The following KASH5 variants were observed in gnomAD, a reference collection of about 807,000 sequenced individuals.
KASH5 encodes protein KASH5.
Under a neutral mutation model 84.2 loss-of-function variants are expected in KASH5, and 72 were observed. That is an observed-to-expected ratio of 0.85 (90% CI 0.71 to 1.04). The LOEUF is 1.04. Among genes scored for constraint, KASH5 ranks in the 50% least tolerant of loss-of-function variants. The pLI is 0.00. For synonymous variants in KASH5, 260 were observed against 279.1 expected (o/e 0.93, Z 0.68); for missense variants, 650 against 701.0 (o/e 0.93, Z 0.82).
In KASH5 at chr19:49,416,611, C is replaced by T. The variant is rs1425956678; in HGVS notation, c.1375-404C>T. On this transcript the variant is annotated intron_variant, in intron 17 of 19. Transcript: ENST00000447857. The surrounding 1 kb of genome is among the most constrained non-coding windows in gnomAD (Gnocchi z 5.4). ...CTGTAGAAGATGTGGTCTCTGCCCTCAGAGAGCTTAGATACTTCCAGAATC... is the reference window on the plus strand; with the variant it reads ...CTGTAGAAGATGTGGTCTCTGCCCTTAGAGAGCTTAGATACTTCCAGAATC... 2.0e-5 allele frequency among the ~76,000 whole-genome samples: 3 copies of T among 152,318 alleles called. No homozygotes were observed. The highest frequency in any genetic ancestry group is 7.2e-5 in the African/African-American group (3 of 41,570).
rs943472622 is a variant in KASH5, at chr19:49,414,891, G to A, written c.1329-60G>A. 1.9e-6 allele frequency: 3 copies of A among 1,579,574 alleles called. No individual in the cohort carries two copies. The highest frequency in any genetic ancestry group is 2.6e-6 in the Non-Finnish European group (3 of 1,161,372). On this transcript the variant is annotated intron_variant, in intron 16 of 19. Transcript: ENST00000447857. The surrounding 1 kb of genome is among the most constrained non-coding windows in gnomAD (Gnocchi z 4.5). ...TCCAAGGCTTCTCTCCCAGCCCATA[G>A]TAGGCAAAGGGAACCAGGGAGAAGA...
chr19:49,409,818 C>T lies in KASH5; in HGVS notation c.1212C>T (p.Val404=). ...PLCGVWQWEE[V]IHETSEETEF... is the part of the protein sequence containing the mutation. Reference sequence around the variant, plus strand: ...GTGGGGTGTGGCAGTGGGAGGAAGTCATCCATGAGACCAGTGAGGAAACTG... The same window carrying T: ...GTGGGGTGTGGCAGTGGGAGGAAGTTATCCATGAGACCAGTGAGGAAACTG... The change falls in exon 15 of 20, where the codon GTC becomes GTT. Residue 404 remains valine, a synonymous_variant. Coordinates refer to ENST00000447857, the MANE Select transcript of KASH5 (RefSeq NM_144688.5). The T allele has an allele frequency of 6.2e-7, 1 of 1,613,946 alleles. No homozygotes were observed. The highest frequency in any genetic ancestry group is 8.5e-7 in the Non-Finnish European group (1 of 1,179,862).
Position 49,414,919 on chromosome 19 carries a change from A to G in KASH5, c.1329-32A>G. The G allele has an allele frequency of 6.2e-7, 1 of 1,605,450 alleles. No homozygotes were observed. The highest frequency in any genetic ancestry group is 8.5e-7 in the Non-Finnish European group (1 of 1,176,272). ...GGCAAAGGGAACCAGGGAGAAGAGGACGAAGCCAGCAGTGACTTTGTTGGC... is the reference window on the plus strand; with the variant it reads ...GGCAAAGGGAACCAGGGAGAAGAGGGCGAAGCCAGCAGTGACTTTGTTGGC... On this transcript the variant is annotated intron_variant, in intron 16 of 19. Coordinates refer to ENST00000447857, the MANE Select transcript of KASH5 (RefSeq NM_144688.5). This position sits in a 1 kb window ranked among gnomAD's most constrained non-coding sequence, Gnocchi z 4.5.
rs1339961343 is a variant in KASH5, at chr19:49,400,354, TTTTTTTTTTTTTTC to T, written c.798+861_798+874del. On this transcript the variant is annotated intron_variant, in intron 9 of 19. Coordinates refer to ENST00000447857, the MANE Select transcript of KASH5 (RefSeq NM_144688.5). ...TTCTCAAGCCTTTACTTTTAGTTTC[TTTTTTTTTTTTTTC>T]TTTTTTTTTTTTTTGAGACAGAGTT... is the stretch of plus-strand genomic sequence containing the variant. 1.0e-4 allele frequency among the ~76,000 whole-genome samples: 8 copies of T among 79,090 alleles called. No homozygotes were observed. The East Asian group carries it at 2.6e-3, about 25-fold the overall frequency. The allele number at this position is 79,090 out of a possible 152,430, so 51.9% of individuals were successfully genotyped here.
chr19:49,395,714 G>A lies in KASH5; in HGVS notation c.336-55G>A. The stretch of plus-strand genomic sequence containing the variant: ...CCTGCAATCCCCCTGCCTGTGGCTG[G>A]TGAGGACTGAGGGGCAGCTACAGTG... On this transcript the variant is annotated intron_variant, in intron 4 of 19. Transcript: ENST00000447857. This position sits in a 1 kb window ranked among gnomAD's most constrained non-coding sequence, Gnocchi z 4.4. 6.6e-7 allele frequency: 1 copy of A among 1,519,554 alleles called. No individual in the cohort carries two copies. The highest frequency in any genetic ancestry group is 1.2e-5 in the South Asian group (1 of 83,190). 94.1% of individuals were successfully genotyped at this position (1,519,554 alleles called of 1,614,324 possible). A position where few individuals can be genotyped will look rare whatever the true frequency, so the allele number is the denominator to read the frequency against.
At position 49,417,174 on chromosome 19, in the gene KASH5, A is replaced by C. The variant is rs1199014843; in HGVS notation, c.1455A>C (p.Glu485Asp). ...ENPPERPARR[E>D]LQQALVPVMK... is the part of the protein sequence containing the mutation. ...ACCCCAGCAGACCTGCGCGGCGGGA[A>C]CTCCAGCAAGCCCTGGTGCCTGTGA... The change falls in exon 19 of 20, where the codon GAA (glutamate) becomes GAC (aspartate). Residue 485 changes from glutamate to aspartate, a missense_variant. Glu to Asp is a conservative substitution (Grantham distance 45). Transcript: ENST00000447857. The surrounding 1 kb of genome is among the most constrained non-coding windows in gnomAD (Gnocchi z 5.2). 1 of 1,613,708 alleles carries C rather than the reference A, an allele frequency of 6.2e-7. No individual in the cohort carries two copies. The highest frequency in any genetic ancestry group is 8.5e-7 in the Non-Finnish European group (1 of 1,179,778).
At chr19:49,402,822 T>C (rs1374975993) in intron 9 of KASH5, among the ~76,000 whole-genome samples, 1 of 152,202 alleles carries the variant, frequency 6.6e-6, no homozygotes, top group Non-Finnish European at 1.5e-5. Context: ...ATATGGCCAC[T>C]AATGGGTCCA....
chr19:49,395,092 A>G lies in KASH5; in HGVS notation c.149-14A>G. 3 of 1,593,570 alleles carry G rather than the reference A, an allele frequency of 1.9e-6. No individual in the cohort carries two copies. Among genetic ancestry groups the G allele is most frequent in the Non-Finnish European group, 1.7e-6 (2 of 1,173,622 alleles). ...CACCTGCCCCAGACCCCCTCACTGC[A>G]TGCTCTGTCACAGGCACTGTGGCTG... On this transcript the variant is annotated splice_polypyrimidine_tract_variant and intron_variant, in intron 3 of 19. Transcript: ENST00000447857. This position sits in a 1 kb window ranked among gnomAD's most constrained non-coding sequence, Gnocchi z 4.4.
rs1974573571 is a variant in KASH5, at chr19:49,407,663, A to G, written c.985A>G (p.Thr329Ala). 1.9e-6 allele frequency: 3 copies of G among 1,604,350 alleles called. No individual in the cohort carries two copies. Among genetic ancestry groups the G allele is most frequent in the Non-Finnish European group, 1.7e-6 (2 of 1,175,496 alleles). Reference protein sequence around the residue: ...LAQTLEEYRVTTQELRLEISR... With the variant: ...LAQTLEEYRVATQELRLEISR... ...CCAGACCCTGGAAGAATACAGAGTG[A>G]CGACGCAGGTAACTCAGCGGCCCTC... is the stretch of plus-strand genomic sequence containing the variant. Residue 329 changes from threonine (T) to alanine (A), a missense_variant, in exon 12 of 20, where the codon ACG becomes GCG. Thr to Ala is a moderately conservative substitution (Grantham distance 58). Coordinates refer to ENST00000447857, the MANE Select transcript of KASH5 (RefSeq NM_144688.5).
At position 49,408,991 on chromosome 19, in the gene KASH5, C is replaced by G; in HGVS notation, c.1018C>G (p.Leu340Val). Residue 340 changes from leucine to valine, a missense_variant, in exon 13 of 20, where the codon CTG becomes GTG. Coordinates refer to ENST00000447857, the MANE Select transcript of KASH5 (RefSeq NM_144688.5). ...GGAACTGAGGCTGGAGATTTCACGCCTGGAGGAGCAGCTGAGTCAGACCTA... is the reference window on the plus strand; with the variant it reads ...GGAACTGAGGCTGGAGATTTCACGCGTGGAGGAGCAGCTGAGTCAGACCTA... ...TQELRLEISR[L>V]EEQLSQTYEG... is the part of the protein sequence containing the mutation. The G allele has an allele frequency of 6.3e-7, 1 of 1,591,312 alleles. No individual in the cohort carries two copies. The highest frequency in any genetic ancestry group is 8.6e-7 in the Non-Finnish European group (1 of 1,169,000).
At position 49,395,724 on chromosome 19, in the gene KASH5, AG is replaced by A; in HGVS notation, c.336-41del. On this transcript the variant is annotated intron_variant, in intron 4 of 19. Coordinates refer to ENST00000447857, the MANE Select transcript of KASH5 (RefSeq NM_144688.5). The surrounding 1 kb of genome is among the most constrained non-coding windows in gnomAD (Gnocchi z 4.4). Reference sequence around the variant, plus strand: ...CCCTGCCTGTGGCTGGTGAGGACTGAGGGGCAGCTACAGTGGGGCGCTAAGC... The same window carrying A: ...CCCTGCCTGTGGCTGGTGAGGACTGAGGGCAGCTACAGTGGGGCGCTAAGC... 6.5e-7 allele frequency: 1 copy of A among 1,536,232 alleles called. No individual in the cohort carries two copies. The highest frequency in any genetic ancestry group is 8.8e-7 in the Non-Finnish European group (1 of 1,135,134).
chr19:49,417,941 G>A lies in KASH5; in HGVS notation c.*431G>A, dbSNP rs1422439385. 1 of 162,606 alleles carries A rather than the reference G, an allele frequency of 6.1e-6. No individual in the cohort carries two copies. The highest frequency in any genetic ancestry group is 1.3e-5 in the Non-Finnish European group (1 of 75,492). The allele number at this position is 162,606 out of a possible 1,614,324, so 10.1% of individuals were successfully genotyped here. On this transcript the variant is annotated 3_prime_UTR_variant, in exon 20 of 20. Transcript: ENST00000447857. The surrounding 1 kb of genome is among the most constrained non-coding windows in gnomAD (Gnocchi z 5.2). ...AGGCAGTAGCCTCAGTGTGCAGTGG[G>A]TAGATTCAAATCATATTCATAATAA...
At position 49,412,482 on chromosome 19, in the gene KASH5, T is replaced by A. The variant is rs1974752123; in HGVS notation, c.1270-486T>A. Among the ~76,000 whole-genome samples, 1 of 152,078 alleles carries A rather than the reference T, an allele frequency of 6.6e-6. No homozygotes were observed. The highest frequency in any genetic ancestry group is 2.1e-4 in the South Asian group (1 of 4,826). The stretch of plus-strand genomic sequence containing the variant: ...CTCGAGGATTGCGTTTAGAAAACAA[T>A]GGCAAGTTGGTTGCTGAGGTCAAGG... On this transcript the variant is annotated intron_variant, in intron 15 of 19. Coordinates refer to ENST00000447857, the MANE Select transcript of KASH5 (RefSeq NM_144688.5). This position sits in a 1 kb window ranked among gnomAD's most constrained non-coding sequence, Gnocchi z 4.6.
rs1192381614 is a variant in KASH5, at chr19:49,414,072, T to C, written c.1329-879T>C. On this transcript the variant is annotated intron_variant, in intron 16 of 19. Coordinates refer to ENST00000447857, the MANE Select transcript of KASH5 (RefSeq NM_144688.5). The surrounding 1 kb of genome is among the most constrained non-coding windows in gnomAD (Gnocchi z 4.5). ...CATTCAGGCTGGGCAGCTTGAGGCCTGAGTCCCCAAAGCAGCATTTCAGGG... is the reference window on the plus strand; with the variant it reads ...CATTCAGGCTGGGCAGCTTGAGGCCCGAGTCCCCAAAGCAGCATTTCAGGG... Among the ~76,000 whole-genome samples, 1 of 151,962 alleles carries C rather than the reference T, an allele frequency of 6.6e-6. No homozygotes were observed. The highest frequency in any genetic ancestry group is 1.5e-5 in the Non-Finnish European group (1 of 67,966).
chr19:49,389,109 G>C (rs1447769333), intron 1 of KASH5, among the ~76,000 whole-genome samples: 30 of 70,712 alleles, frequency 4.2e-4, no homozygotes, highest in African/African-American at 1.9e-3. Flanking sequence ...TCCAGCCAGA[G>C]ACCCCCAGAA....
At chr19:49,411,749 G>GC (rs1436931920) in intron 15 of KASH5, among the ~76,000 whole-genome samples, 3 of 152,158 alleles carry the variant, frequency 2.0e-5, no homozygotes, top group African/African-American at 7.2e-5. Context: ...CAAATGGGTT[G>GC]CCCCAGTGCA....
intron 15 of KASH5, among the ~76,000 whole-genome samples, chr19:49,411,755 G>A (rs1974716060): frequency 6.6e-6 from 1 of 152,170 alleles, no homozygotes; most frequent in Non-Finnish European, 1.5e-5. Context: ...GGTTGCCCCA[G>A]TGCAGAATGA....
At position 49,409,272 on chromosome 19, in the gene KASH5, G is replaced by A. The variant is rs1437324238; in HGVS notation, c.1135G>A (p.Ala379Thr). 3.7e-6 allele frequency: 6 copies of A among 1,613,686 alleles called. No homozygotes were observed. Among genetic ancestry groups the A allele is most frequent in the Non-Finnish European group, 4.2e-6 (5 of 1,179,836 alleles). The change falls in exon 14 of 20, where the codon GCC becomes ACC. Residue 379 changes from alanine (A) to threonine (T), a missense_variant. Physicochemically the swap from Ala to Thr is moderately conservative, Grantham distance 58. Coordinates refer to ENST00000447857, the MANE Select transcript of KASH5 (RefSeq NM_144688.5). ...LPPSLGLEIE[A>T]IRQKQEVATA... The stretch of plus-strand genomic sequence containing the variant: ...CCCATCGCTGGGCTTGGAGATCGAG[G>A]CCATTCGACAGGTGGGCCTAACACC...
intron 5 of KASH5, among the ~76,000 whole-genome samples, chr19:49,396,088 C>T (rs1252146255): frequency 6.6e-6 from 1 of 152,092 alleles, no homozygotes; most frequent in African/African-American, 2.4e-5. Flanking sequence ...CCGCCTACCT[C>T]TGCTCCATCA....
Sources: gnomAD v4.1 joint callset for allele counts (sites outside exome capture counted in the v4.1 genomes callset) on GRCh38, gnomAD v4.1.1 for gene constraint, Gnocchi (gnomAD v3.1) non-coding constraint, MANE v1.5 for transcripts, NCBI Gene and HGNC (gene_info 2026-07-23, HGNC 2026-07-21) for gene names.